Variants in KEAP1 observed in about 807,000 individuals in gnomAD.
The protein encoded by KEAP1 is kelch-like ECH-associated protein 1.
In KEAP1, 26 loss-of-function variants were observed where a neutral mutation model predicts 59.7. That is an observed-to-expected ratio of 0.44 (90% CI 0.32 to 0.60). The LOEUF is 0.60. KEAP1 is among the 20% of genes least tolerant of loss of function. KEAP1 has a pLI of 0.06. For missense variants in KEAP1, 539 were observed against 871.4 expected (o/e 0.62, Z 4.80); for synonymous variants, 350 against 358.3 (o/e 0.98, Z 0.26).
At chr19:10,501,638 CA>C (rs562641400) in intron 1 of KEAP1, among the ~76,000 whole-genome samples, 1 of 151,250 alleles carries the variant, frequency 6.6e-6, no homozygotes, top group Admixed American at 6.6e-5. Flanking sequence ...TCAAATAAAA[CA>C]AAAAAAAGAT....
At chr19:10,493,318 C>T (rs1303497840) in intron 2 of KEAP1, among the ~76,000 whole-genome samples, 1 of 151,722 alleles carries the variant, frequency 6.6e-6, no homozygotes, top group Non-Finnish European at 1.5e-5. Flanking sequence ...GCGACCACGC[C>T]CAGCTAAGTT....
intron 2 of KEAP1, chr19:10,492,641 C>A: frequency 4.9e-6 from 1 of 205,118 alleles, no homozygotes; most frequent in Non-Finnish European, 1.0e-5. Flanking sequence ...TCGCTTGAAC[C>A]CGGGAGGCGG....
At chr19:10,493,681 C>A (rs926668715) in intron 2 of KEAP1, among the ~76,000 whole-genome samples, 1 of 151,414 alleles carries the variant, frequency 6.6e-6, no homozygotes, top group Non-Finnish European at 1.5e-5. Flanking sequence ...CCTGCCTCAG[C>A]CTCCCGAGTA....
rs1205805431 is a variant in KEAP1, at chr19:10,502,464, G to C, written c.-48+777C>G. ...TCGGAGCCCCCGGGCCTCCTTCTGC[G>C]CAGCGCCTCCTGGTTCTCTCGCTCG... On this transcript the variant is annotated intron_variant, in intron 1 of 5. Transcript: ENST00000171111. The surrounding 1 kb of genome is among the most constrained non-coding windows in gnomAD (Gnocchi z 4.0). 1 of 152,402 alleles carries C rather than the reference G, an allele frequency of 6.6e-6. No homozygotes were observed. The highest frequency in any genetic ancestry group is 1.9e-4 in the East Asian group (1 of 5,166). 9.4% of individuals were successfully genotyped at this position (152,402 alleles called of 1,614,324 possible). A position where few individuals can be genotyped will look rare whatever the true frequency, so the allele number is the denominator to read the frequency against.
At chr19:10,497,234 T>A (rs182165171) in intron 2 of KEAP1, among the ~76,000 whole-genome samples, 1 of 152,268 alleles carries the variant, frequency 6.6e-6, no homozygotes, top group East Asian at 1.9e-4. Context: ...TCTCCTACTG[T>A]ATAGACCACT....
Position 10,499,602 on chromosome 19 carries a change from G to A in KEAP1, c.432C>T (p.Ser144=), listed in dbSNP as rs2144626537. The change falls in exon 2 of 6, where the codon TCC becomes TCT. Residue 144 remains serine, a synonymous_variant. Transcript: ENST00000171111. The surrounding 1 kb of genome is among the most constrained non-coding windows in gnomAD (Gnocchi z 6.7). ...ERLIEFAYTA[S]ISMGEKCVLH... ...GGACACACTTCTCGCCCATGGAGAT[G>A]GAGGCCGTGTAGGCGAATTCAATGA... is the stretch of plus-strand genomic sequence containing the variant. 6.2e-7 allele frequency: 1 copy of A among 1,614,128 alleles called. No homozygotes were observed.
intron 2 of KEAP1, chr19:10,492,516 G>A (rs1001997812): frequency 2.1e-6 from 1 of 481,582 alleles, no homozygotes; most frequent in African/African-American, 1.9e-5. Context: ...CAGGAGTTGA[G>A]AGACAAGCCT....
At chr19:10,494,079 C>T (rs1914768874) in intron 2 of KEAP1, among the ~76,000 whole-genome samples, 1 of 151,972 alleles carries the variant, frequency 6.6e-6, no homozygotes, top group African/African-American at 2.4e-5. Context: ...GTCGCTGGGA[C>T]TACAGGTGTG....
chr19:10,498,361 G>C (rs1013155751), intron 2 of KEAP1, among the ~76,000 whole-genome samples: 1 of 151,434 alleles, frequency 6.6e-6, no homozygotes, highest in African/African-American at 2.4e-5. Flanking sequence ...CACTACACCC[G>C]GCTAGTTTTC....
intron 2 of KEAP1, among the ~76,000 whole-genome samples, chr19:10,495,200 A>C (rs1029654165): frequency 1.3e-5 from 2 of 151,516 alleles, no homozygotes; most frequent in Admixed American, 1.3e-4. Flanking sequence ...TCTGTCACCT[A>C]TGGTGGAGTG....
chr19:10,489,606 G>C (rs775516873), intron 4 of KEAP1, 42 bp downstream of exon 4: 1 of 1,599,566 alleles, frequency 6.3e-7, no homozygotes, highest in Non-Finnish European at 8.6e-7. Flanking sequence ...AGGATGGTAG[G>C]GGGTGTTCCT....
At chr19:10,486,872 A>C in intron 5 of KEAP1, 54 bp from the exon 6 acceptor site, 1 of 1,564,174 alleles carries the variant, frequency 6.4e-7, no homozygotes, top group Non-Finnish European at 8.7e-7. Flanking sequence ...ATCCAAGAGC[A>C]GGGGACAGAA....
At chr19:10,495,540 AC>A (rs1427043254) in intron 2 of KEAP1, among the ~76,000 whole-genome samples, 4 of 152,098 alleles carry the variant, frequency 2.6e-5, no homozygotes, top group African/African-American at 9.6e-5. Context: ...TCTACTAAAA[AC>A]AAAAAAATTA....
At chr19:10,496,193 AAAAG>A (rs1914839950) in intron 2 of KEAP1, among the ~76,000 whole-genome samples, 11 of 119,356 alleles carry the variant, frequency 9.2e-5, no homozygotes, top group Non-Finnish European at 3.3e-5. Context: ...TGTCTCTAAA[AAAAG>A]AAAAAAAAAA....
Position 10,499,497 on chromosome 19 carries a change from C to G in KEAP1, c.537G>C (p.Leu179=), listed in dbSNP as rs1914962920. Residue 179 remains leucine (L), a synonymous_variant, in exon 2 of 6, where the codon CTG becomes CTC. Transcript: ENST00000171111. This position sits in a 1 kb window ranked among gnomAD's most constrained non-coding sequence, Gnocchi z 6.7. ...RACSDFLVQQ[L]DPSNAIGIAN... The stretch of plus-strand genomic sequence containing the variant: ...CGATGCCGATGGCATTGCTGGGGTC[C>G]AGCTGCTGCACCAGGAAGTCACTGC... 6.2e-7 allele frequency: 1 copy of G among 1,614,068 alleles called. No individual in the cohort carries two copies. Among genetic ancestry groups the G allele is most frequent in the African/African-American group, 1.3e-5 (1 of 74,946 alleles).
At chr19:10,495,510 C>G (rs778249163) in intron 2 of KEAP1, among the ~76,000 whole-genome samples, 34 of 151,964 alleles carry the variant, frequency 2.2e-4, no homozygotes, top group Non-Finnish European at 4.0e-4. Context: ...CCAGCCTGGC[C>G]AACACGGTGA....
intron 4 of KEAP1, 66 bp from the exon 5 acceptor site, chr19:10,489,434 CCTT>C: frequency 6.7e-7 from 1 of 1,502,846 alleles, no homozygotes; most frequent in Non-Finnish European, 9.1e-7. Flanking sequence ...GCCATCACCT[CCTT>C]GAGGGAGACC....
rs1914656128 is a variant in KEAP1 at position 10,491,249 on chromosome 19, A to G, written c.1325+328T>C. On this transcript the variant is annotated intron_variant, in intron 3 of 5. Transcript: ENST00000171111. This position sits in a 1 kb window ranked among gnomAD's most constrained non-coding sequence, Gnocchi z 5.2. ...CAGGCTAGTCTCCTGGACTCAAGCA[A>G]TCCTCCCACCTCAGCCTCCCAAAGT... Among the ~76,000 whole-genome samples the G allele has an allele frequency of 6.6e-6, 1 of 151,940 alleles. No individual in the cohort carries two copies. Among genetic ancestry groups the G allele is most frequent in the African/African-American group, 2.4e-5 (1 of 41,374 alleles).
At position 10,491,916 on chromosome 19, in the gene KEAP1, T is replaced by C. The variant is rs2144600782; in HGVS notation, c.986A>G (p.Tyr329Cys). The C allele has an allele frequency of 6.2e-7, 1 of 1,613,506 alleles. No homozygotes were observed. The highest frequency in any genetic ancestry group is 8.5e-7 in the Non-Finnish European group (1 of 1,179,850). Residue 329 changes from tyrosine (Y) to cysteine (C), a missense_variant, in exon 3 of 6, where the codon TAC becomes TGC. Coordinates refer to ENST00000171111, the MANE Select transcript of KEAP1 (RefSeq NM_203500.2). The surrounding 1 kb of genome is among the most constrained non-coding windows in gnomAD (Gnocchi z 5.2). ...CTGTCGGAAGTAGCCGCCCGCGGTGTAGATCAGGCGGCCCACCTTGGGCGC... is the reference window on the plus strand; with the variant it reads ...CTGTCGGAAGTAGCCGCCCGCGGTGCAGATCAGGCGGCCCACCTTGGGCGC... Reference protein sequence around the residue: ...CRAPKVGRLIYTAGGYFRQSL... With the variant: ...CRAPKVGRLICTAGGYFRQSL...
Sources: allele counts gnomAD v4.1 joint callset (sites outside exome capture counted in the v4.1 genomes callset), GRCh38; gene constraint gnomAD v4.1.1; non-coding constraint Gnocchi (gnomAD v3.1); transcripts MANE v1.5; gene names NCBI Gene and HGNC (gene_info 2026-07-23, HGNC 2026-07-21).